The following SSH1 variants were observed in gnomAD, a reference collection of about 807,000 sequenced individuals.
SSH1 encodes slingshot protein phosphatase 1, also known as protein phosphatase Slingshot homolog 1.
Under a neutral mutation model 79.7 loss-of-function variants are expected in SSH1, and 43 were observed. The observed-to-expected ratio is 0.54, with a 90% confidence interval of 0.42 to 0.70. The LOEUF (loss-of-function observed/expected upper bound fraction) is 0.70, where lower values mean the gene tolerates loss of function less well. Ranked by LOEUF, SSH1 falls within the 30% of genes least tolerant of loss-of-function variation. The pLI is 0.00. For missense variants in SSH1, 1,206 were observed against 1,358.8 expected (o/e 0.89, Z 1.77); for synonymous variants, 599 against 538.3 (o/e 1.11, Z -1.56).
At chr12:108,843,134 G>C (rs1314783448) in intron 2 of SSH1, among the ~76,000 whole-genome samples, 1 of 152,114 alleles carries the variant, frequency 6.6e-6, no homozygotes, top group African/African-American at 2.4e-5. Context: ...CCCTAAAACA[G>C]GGCTTGGCAC....
intron 2 of SSH1, chr12:108,834,063 T>G (rs751349603): frequency 6.6e-6 from 1 of 152,270 alleles, no homozygotes; most frequent in African/African-American, 2.4e-5. Context: ...TTAGCCATTG[T>G]ATGTCGTTAA....
chr12:108,840,827 T>C (rs1049816370), intron 2 of SSH1, among the ~76,000 whole-genome samples: 1 of 151,976 alleles, frequency 6.6e-6, no homozygotes, highest in African/African-American at 2.4e-5. Flanking sequence ...GAGGAGGAGG[T>C]GAGTCCCAGC....
intron 2 of SSH1, among the ~76,000 whole-genome samples, chr12:108,842,142 G>A (rs986971291): frequency 1.3e-5 from 2 of 151,910 alleles, no homozygotes; most frequent in African/African-American, 4.8e-5. Context: ...AAGAAGAAAA[G>A]AGAGAGAGAG....
chr12:108,781,844 T>G lies in SSH1; in HGVS notation c.*6144A>C, dbSNP rs753194345. ...CAGAATTTTAAGATGGAAGTTGAGG[T>G]GGCTCACACCTGTAATCCCAGCACT... On this transcript the variant is annotated 3_prime_UTR_variant, in exon 15 of 15. Transcript: ENST00000326495. The G allele has an allele frequency of 2.6e-5, 4 of 152,214 alleles. No individual in the cohort carries two copies. Among genetic ancestry groups the G allele is most frequent in the African/African-American group, 4.8e-5 (2 of 41,430 alleles). The allele number at this position is 152,214 out of a possible 1,614,324, so 9.4% of individuals were successfully genotyped here. A position where few individuals can be genotyped will look rare whatever the true frequency, so the allele number is the denominator to read the frequency against.
At chr12:108,806,701 G>A (rs2137072475) in intron 8 of SSH1, among the ~76,000 whole-genome samples, 1 of 152,312 alleles carries the variant, frequency 6.6e-6, no homozygotes. Context: ...CCAGGCCCCT[G>A]GGCCCTTGAG....
intron 3 of SSH1, 102 bp from the exon 4 acceptor site, chr12:108,818,415 A>G: frequency 9.1e-7 from 1 of 1,097,046 alleles, no homozygotes; most frequent in East Asian, 2.5e-5. Context: ...AAGATTGAGA[A>G]GTTAAAATTT....
chr12:108,798,906 GA>G, intron 13 of SSH1, 93 bp downstream of exon 13: 1 of 1,448,878 alleles, frequency 6.9e-7, no homozygotes, highest in Non-Finnish European at 9.6e-7. Context: ...GGCCGAATGG[GA>G]GCATGCTCTG....
At chr12:108,856,710 G>GACT (rs1400651727) in intron 1 of SSH1, among the ~76,000 whole-genome samples, 10 of 152,296 alleles carry the variant, frequency 6.6e-5, no homozygotes, top group Non-Finnish European at 1.3e-4. Context: ...ACTCCCAGAT[G>GACT]CCTGTCTCAC....
intron 1 of SSH1, among the ~76,000 whole-genome samples, chr12:108,856,434 G>T (rs1452626673): frequency 6.6e-6 from 1 of 152,222 alleles, no homozygotes; most frequent in Admixed American, 6.5e-5. Flanking sequence ...CGCGCACAGT[G>T]CCAGGACACG....
At position 108,821,910 on chromosome 12, in the gene SSH1, T is replaced by C. The variant is rs566196954; in HGVS notation, c.214+1348A>G. On this transcript the variant is annotated intron_variant, in intron 3 of 14. Transcript: ENST00000326495. ...ATGTTCACAAGAAAACTGGCCACAA[T>C]AGCTGGTTGGTTTCACCTGCTGCTG... Among the ~76,000 whole-genome samples, 5 of 152,314 alleles carry C rather than the reference T, an allele frequency of 3.3e-5. No homozygotes were observed. The South Asian group carries it at 1.0e-3, about 32-fold the overall frequency.
chr12:108,811,680 C>G, intron 5 of SSH1: 1 of 389,406 alleles, frequency 2.6e-6, no homozygotes, highest in Non-Finnish European at 4.9e-6. Flanking sequence ...CTGGCCTGTC[C>G]TGGGTGGCGG....
intron 6 of SSH1, among the ~76,000 whole-genome samples, chr12:108,809,986 T>A (rs2037494938): frequency 6.6e-6 from 1 of 151,962 alleles, no homozygotes; most frequent in African/African-American, 2.4e-5. Flanking sequence ...GCACTGCGAG[T>A]TCCACCAAAA....
In SSH1 at chr12:108,792,859, G is replaced by A. The variant is rs558083024; in HGVS notation, c.1350-30C>T. 14 of 1,612,228 alleles carry A rather than the reference G, an allele frequency of 8.7e-6. No individual in the cohort carries two copies. In the African/African-American group the frequency reaches 1.3e-4, roughly 15 times the overall value. On this transcript the variant is annotated intron_variant, in intron 13 of 14. Coordinates refer to ENST00000326495, the MANE Select transcript of SSH1 (RefSeq NM_018984.4). ...GGGGAGAGAGGGTAGAGGAAGGTGA[G>A]GGGAGGAGGATGGTGCCTGGGGGTG...
rs1270240685 is a variant in SSH1, at chr12:108,779,667, C to CA, written c.*8320_*8321insT. 3.3e-5 allele frequency: 5 copies of CA among 151,122 alleles called. No individual in the cohort carries two copies. The highest frequency in any genetic ancestry group is 7.4e-5 in the Non-Finnish European group (5 of 67,692). 9.4% of individuals were successfully genotyped at this position (151,122 alleles called of 1,614,324 possible). A position where few individuals can be genotyped will look rare whatever the true frequency, so the allele number is the denominator to read the frequency against. On this transcript the variant is annotated 3_prime_UTR_variant, in exon 15 of 15. Coordinates refer to ENST00000326495, the MANE Select transcript of SSH1 (RefSeq NM_018984.4). ...AGTTAGAAAAAGGACTCTCCTCTAC[C>CA]TTTTTTTTTCTTTTTTTTGTTTTTT...
At chr12:108,830,741 T>G (rs1417053081) in intron 2 of SSH1, among the ~76,000 whole-genome samples, 1 of 152,160 alleles carries the variant, frequency 6.6e-6, no homozygotes, top group East Asian at 1.9e-4. Context: ...AATGTTCTTC[T>G]GGCCCTCTAA....
intron 3 of SSH1, among the ~76,000 whole-genome samples, chr12:108,822,373 A>G (rs1349124700): frequency 6.6e-6 from 1 of 152,148 alleles, no homozygotes; most frequent in Non-Finnish European, 1.5e-5. Context: ...GGTTCAAGCG[A>G]GATCTGCCCA....
chr12:108,851,266 T>G (rs910285221), intron 2 of SSH1, among the ~76,000 whole-genome samples: 4 of 152,116 alleles, frequency 2.6e-5, no homozygotes, highest in Admixed American at 1.3e-4. Flanking sequence ...GTAATAAAAG[T>G]GAGTATTTCC....
intron 2 of SSH1, among the ~76,000 whole-genome samples, chr12:108,844,183 C>G (rs11114068): frequency 0.11 from 16,504 of 151,802 alleles, 1,464 homozygotes; most frequent in East Asian, 0.33. Context: ...AAGGCCTGCC[C>G]GAGATCATAT....
chr12:108,794,002 C>T (rs940059074), intron 13 of SSH1, among the ~76,000 whole-genome samples: 4 of 152,190 alleles, frequency 2.6e-5, no homozygotes, highest in Non-Finnish European at 4.4e-5. Flanking sequence ...GTGAGATGCT[C>T]GCTCTTCCTC....
Sources: gnomAD v4.1 joint callset for allele counts (sites outside exome capture counted in the v4.1 genomes callset) on GRCh38, gnomAD v4.1.1 for gene constraint, MANE v1.5 for transcripts, NCBI Gene and HGNC (gene_info 2026-07-23, HGNC 2026-07-21) for gene names.